FAM156A: variants seen among roughly 807,000 people sequenced by gnomAD.
The protein encoded by FAM156A is protein FAM156A/FAM156B.
At chrX:52,989,824 A>G (rs1930569019) in intron 1 of FAM156A, among the ~76,000 whole-genome samples, 1 of 112,278 alleles carries the variant, frequency 8.9e-6, no homozygotes, top group South Asian at 3.6e-4. Context: ...TGCCCCCAGT[A>G]TCTTCAGGAT....
intron 1 of FAM156A, among the ~76,000 whole-genome samples, chrX:52,980,923 G>C (rs1355479949): frequency 9.5e-6 from 1 of 105,040 alleles, no homozygotes; most frequent in African/African-American, 3.5e-5. Flanking sequence ...TGTCAGGCTG[G>C]AGACCCAGGG....
At chrX:52,977,261 G>A (rs1929557695) in intron 1 of FAM156A, among the ~76,000 whole-genome samples, 1 of 107,242 alleles carries the variant, frequency 9.3e-6, no homozygotes, top group Non-Finnish European at 1.9e-5. Context: ...ATTATTCCTT[G>A]CCCCTGTCTG....
At chrX:52,979,421 C>T (rs1556792954) in intron 1 of FAM156A, among the ~76,000 whole-genome samples, 1 of 111,177 alleles carries the variant, frequency 9.0e-6, no homozygotes, top group Non-Finnish European at 1.9e-5. Context: ...TTTCCTTCAA[C>T]GGGAGCCTAG....
chrX:52,976,089 C>A (rs782480963), intron 1 of FAM156A, among the ~76,000 whole-genome samples: 132 of 111,282 alleles, frequency 1.2e-3, no homozygotes, highest in Non-Finnish European at 2.2e-3. Context: ...ATAAGGATAT[C>A]AAAACACCTT....
intron 1 of FAM156A, among the ~76,000 whole-genome samples, chrX:52,990,901 G>A (rs782520605): frequency 9.0e-6 from 1 of 111,509 alleles, no homozygotes; most frequent in Admixed American, 9.5e-5. Flanking sequence ...GGAGGACCAG[G>A]AAGGCCTCGG....
At chrX:52,974,814 C>A (rs781853587) in intron 1 of FAM156A, among the ~76,000 whole-genome samples, 1 of 110,700 alleles carries the variant, frequency 9.0e-6, no homozygotes, top group South Asian at 3.9e-4. Context: ...ACCTTTCACA[C>A]AACATTGCTG....
At chrX:52,988,979 G>A (rs1366043394) in intron 1 of FAM156A, among the ~76,000 whole-genome samples, 2 of 112,430 alleles carry the variant, frequency 1.8e-5, no homozygotes, top group Non-Finnish European at 3.8e-5. Flanking sequence ...ACTAATTAAC[G>A]ATCCAATAGG....
intron 1 of FAM156A, among the ~76,000 whole-genome samples, chrX:52,988,053 C>CA (rs1556794797): frequency 9.0e-6 from 1 of 111,032 alleles, no homozygotes; most frequent in South Asian, 3.8e-4. Flanking sequence ...CAACCCTGGC[C>CA]AACATGGTGA....
chrX:52,980,601 T>C (rs1475157927), intron 1 of FAM156A, among the ~76,000 whole-genome samples: 3 of 111,453 alleles, frequency 2.7e-5, no homozygotes, highest in African/African-American at 3.3e-5. Flanking sequence ...CTCTACATGG[T>C]TGGATGACCA....
chrX:52,977,411 T>A (rs1210290359), intron 1 of FAM156A, among the ~76,000 whole-genome samples: 1 of 110,869 alleles, frequency 9.0e-6, no homozygotes, highest in Non-Finnish European at 1.9e-5. Context: ...AAAACATTAG[T>A]ACCATAAGTC....
At chrX:52,983,837 T>A (rs1930078860) in intron 1 of FAM156A, among the ~76,000 whole-genome samples, 1 of 112,669 alleles carries the variant, frequency 8.9e-6, no homozygotes, top group Non-Finnish European at 1.9e-5. Context: ...CATTTACCTC[T>A]CACAAGAGAC....
chrX:52,975,051 T>TATAC (rs1225077967), intron 1 of FAM156A, among the ~76,000 whole-genome samples: 2 of 83,678 alleles, frequency 2.4e-5, no homozygotes, highest in East Asian at 8.4e-4. Flanking sequence ...GTTAAACACA[T>TATAC]ACACACACAC....
intron 1 of FAM156A, among the ~76,000 whole-genome samples, chrX:52,978,840 T>A (rs1374067257): frequency 9.0e-6 from 1 of 111,655 alleles, no homozygotes; most frequent in African/African-American, 3.3e-5. Flanking sequence ...CTTCCATACC[T>A]TCACAAAGGA....
At chrX:52,980,782 C>CTGTGTGTG (rs1156303085) in intron 1 of FAM156A, among the ~76,000 whole-genome samples, 599 of 38,434 alleles carry the variant, frequency 0.016, 18 homozygotes, top group East Asian at 0.033. Flanking sequence ...TAGGGTTCCT[C>CTGTGTGTG]TGTGTGTGTG....
intron 1 of FAM156A, among the ~76,000 whole-genome samples, chrX:52,988,814 G>T (rs1556794936): frequency 1.8e-5 from 2 of 112,209 alleles, no homozygotes; most frequent in East Asian, 2.8e-4. Context: ...AATTCATAGT[G>T]TGAATCTGGC....
chrX:52,973,144 T>C (rs1929163327), intron 1 of FAM156A, among the ~76,000 whole-genome samples: 2 of 77,913 alleles, frequency 2.6e-5, no homozygotes, highest in Admixed American at 2.9e-4. Context: ...CACACCAACA[T>C]GGTGCATGTA....
chrX:52,979,862 C>T (rs192151320), intron 1 of FAM156A, among the ~76,000 whole-genome samples: 20 of 112,513 alleles, frequency 1.8e-4, no homozygotes, highest in African/African-American at 4.8e-4. Context: ...TCCTCTGTAC[C>T]GACTGCAACA....
intron 1 of FAM156A, among the ~76,000 whole-genome samples, chrX:52,976,423 G>A (rs1368093933): frequency 2.7e-5 from 3 of 110,231 alleles, no homozygotes; most frequent in African/African-American, 9.9e-5. Context: ...CAGCCCGGGC[G>A]ACAGATCAGG....
At chrX:52,977,558 C>T (rs1371804609) in intron 1 of FAM156A, among the ~76,000 whole-genome samples, 2 of 111,018 alleles carry the variant, frequency 1.8e-5, no homozygotes, top group Admixed American at 9.7e-5. Flanking sequence ...CACCTCAGAC[C>T]CCTGAGTAGC....
Sources: allele counts gnomAD v4.1 joint callset (sites outside exome capture counted in the v4.1 genomes callset), GRCh38; gene constraint gnomAD v4.1.1; transcripts MANE v1.5; gene names NCBI Gene and HGNC (gene_info 2026-07-23, HGNC 2026-07-21).